The following PARP4 variants were observed in gnomAD, a reference collection of about 807,000 sequenced individuals.
PARP4 encodes the protein protein mono-ADP-ribosyltransferase PARP4.
A neutral mutation model predicts 187.7 loss-of-function variants in PARP4; 120 were observed. The observed-to-expected ratio is 0.64, with a 90% CI of 0.55 to 0.74. PARP4 has a LOEUF of 0.74. Ranked by LOEUF, PARP4 falls within the 30% of genes least tolerant of loss-of-function variation. The probability of loss-of-function intolerance (pLI) is 0.00; values close to 1 mark genes in which losing one functional copy is unlikely to be tolerated. For missense variants in PARP4, 1,836 were observed against 2,070.5 expected, an observed-to-expected ratio of 0.89 and a Z score of 2.20; for synonymous variants, 654 against 740.9, an observed-to-expected ratio of 0.88 and a Z score of 1.90.
intron 2 of PARP4, among the ~76,000 whole-genome samples, chr13:24,502,474 G>A (rs772291269): frequency 4.6e-5 from 7 of 152,182 alleles, no homozygotes; most frequent in Non-Finnish European, 1.0e-4. Context: ...CTTGCTCCTC[G>A]CGAATCCTGC....
chr13:24,434,666 C>T lies in PARP4; in HGVS notation c.4475G>A (p.Arg1492Gln), dbSNP rs144187235. 58 of 1,613,948 alleles carry T rather than the reference C, an allele frequency of 3.6e-5. No individual in the cohort carries two copies. Among genetic ancestry groups the T allele is most frequent in the South Asian group, 1.8e-4 (16 of 91,028 alleles). The change falls in exon 31 of 34, where the codon CGG (arginine) becomes CAG (glutamine). Residue 1492 changes from arginine to glutamine, a missense_variant. By Grantham distance (43) the Arg-to-Gln change is conservative. This residue lies in a region of PARP4 where 450 missense variants were observed against 439.2 expected (regional missense o/e 1.02). Coordinates refer to ENST00000381989, the MANE Select transcript of PARP4 (RefSeq NM_006437.4). ...ALPEALCSQS[R>Q]TTPVDLCLLE... ...AAGACAGAGATCTACTGGGGTAGTC[C>T]GGGACTGACTGCAAAGAGCCTCAGG...
chr13:24,500,757 A>G (rs570737272), intron 3 of PARP4, among the ~76,000 whole-genome samples: 1 of 152,330 alleles, frequency 6.6e-6, no homozygotes, highest in African/African-American at 2.4e-5. Flanking sequence ...TAGAGGAGGG[A>G]AAGTCAAGGG....
At chr13:24,492,227 C>A (rs1868693398) in intron 9 of PARP4, among the ~76,000 whole-genome samples, 194 bp downstream of exon 9, 1 of 152,208 alleles carries the variant, frequency 6.6e-6, no homozygotes, top group Non-Finnish European at 1.5e-5. Flanking sequence ...ACTGTGCCAA[C>A]ATATTCACAT....
intron 24 of PARP4, 124 bp downstream of exon 24, chr13:24,452,282 T>C: frequency 4.1e-6 from 3 of 737,166 alleles, no homozygotes; most frequent in Non-Finnish European, 6.6e-6. Flanking sequence ...CGGAGCCCCA[T>C]CCCTCTATGC....
intron 24 of PARP4, among the ~76,000 whole-genome samples, chr13:24,451,658 C>T (rs931115070): frequency 1.3e-5 from 2 of 149,180 alleles, no homozygotes; most frequent in African/African-American, 5.0e-5. Context: ...AGCTGGTGAC[C>T]ACTTGCTGAG....
chr13:24,460,176 C>T (rs1330402506), intron 17 of PARP4, 40 bp from the exon 18 acceptor site: 5 of 1,570,474 alleles, frequency 3.2e-6, no homozygotes, highest in Non-Finnish European at 4.4e-6. Context: ...AACTTGAAAG[C>T]ATACCCATTA....
chr13:24,438,789 G>A (rs147423367), intron 30 of PARP4, among the ~76,000 whole-genome samples: 5 of 152,304 alleles, frequency 3.3e-5, no homozygotes, highest in African/African-American at 1.2e-4. Context: ...ATAAGGAAAT[G>A]CCCCAAGCTT....
chr13:24,503,533 T>C (rs182722460), intron 2 of PARP4, 112 bp downstream of exon 2: 2 of 1,270,140 alleles, frequency 1.6e-6, no homozygotes, highest in African/African-American at 2.9e-5. Flanking sequence ...GAACTTCGAG[T>C]AGCTCACTCA....
At chr13:24,430,645 T>A (rs3845193) in intron 32 of PARP4, among the ~76,000 whole-genome samples, 1 of 151,544 alleles carries the variant, frequency 6.6e-6, no homozygotes, top group African/African-American at 2.4e-5. Context: ...GGGAGCCAGA[T>A]CTTGTCTCAA....
chr13:24,490,612 G>C (rs1245718482), intron 10 of PARP4, 56 bp downstream of exon 10: 3 of 1,318,212 alleles, frequency 2.3e-6, no homozygotes, highest in Admixed American at 1.8e-5. Context: ...CTCTTTAACG[G>C]AGTCTCAAAG....
chr13:24,476,266 C>T (rs1872980864), intron 14 of PARP4, among the ~76,000 whole-genome samples: 2 of 151,934 alleles, frequency 1.3e-5, no homozygotes, highest in African/African-American at 4.8e-5. Flanking sequence ...GACATGTGCT[C>T]TTCTGCCTTT....
intron 25 of PARP4, among the ~76,000 whole-genome samples, chr13:24,448,474 G>A (rs904200987): frequency 6.8e-6 from 1 of 147,564 alleles, no homozygotes; most frequent in African/African-American, 2.5e-5. Context: ...AAAGAATGAT[G>A]AGTGTTGGTG....
chr13:24,437,698 T>A (rs778012049), intron 30 of PARP4, among the ~76,000 whole-genome samples: 2 of 152,062 alleles, frequency 1.3e-5, no homozygotes, highest in Non-Finnish European at 2.9e-5. Flanking sequence ...AAAAAATTGA[T>A]TAAGTCAGGT....
chr13:24,477,737 A>G lies in PARP4; in HGVS notation c.1753T>C (p.Tyr585His). The change falls in exon 14 of 34, where the codon TAC becomes CAC. Residue 585 changes from tyrosine to histidine, a missense_variant. Physicochemically the swap from Tyr to His is moderately conservative, Grantham distance 83. Around this residue, in one of 8 missense-constraint regions of PARP4, gnomAD observed 1,147 missense variants for 1,214.2 expected, o/e 0.94. Transcript: ENST00000381989. ...GAAAAATTTGAAAACTCAGGTCTGT[A>G]TTCCTCTAATTCAGTATGATCACTA... ...HPSDHTELEE[Y>H]RPEFSNFSKV... 6.3e-7 allele frequency: 1 copy of G among 1,589,920 alleles called. No homozygotes were observed. Among genetic ancestry groups the G allele is most frequent in the Non-Finnish European group, 8.6e-7 (1 of 1,167,300 alleles).
intron 11 of PARP4, among the ~76,000 whole-genome samples, chr13:24,485,838 A>G (rs1446698795): frequency 1.3e-5 from 2 of 152,190 alleles, no homozygotes; most frequent in African/African-American, 4.8e-5. Flanking sequence ...CTACACTTTA[A>G]AAATAATAAA....
intron 6 of PARP4, among the ~76,000 whole-genome samples, chr13:24,496,559 CTT>C (rs1409453393): frequency 6.6e-6 from 1 of 152,164 alleles, no homozygotes; most frequent in African/African-American, 2.4e-5. Flanking sequence ...GCTATGGGCT[CTT>C]GTGGGGTAGG....
intron 17 of PARP4, among the ~76,000 whole-genome samples, chr13:24,466,909 A>C (rs1291899911): frequency 6.6e-6 from 1 of 152,198 alleles, no homozygotes; most frequent in African/African-American, 2.4e-5. Context: ...AACAAAGAAC[A>C]AATGGTACAA....
chr13:24,479,969 C>T (rs1168657883), intron 12 of PARP4, among the ~76,000 whole-genome samples: 1 of 151,984 alleles, frequency 6.6e-6, no homozygotes, highest in Non-Finnish European at 1.5e-5. Flanking sequence ...GATGCGCCGC[C>T]TTAAGAGCTG....
rs140804702 is a variant in PARP4 at position 24,468,400 on chromosome 13, C to CTT, written c.2133+622_2133+623dup. Among the ~76,000 whole-genome samples, 142 of 121,234 alleles carry CTT rather than the reference C, an allele frequency of 1.2e-3. 1 individual carries two copies. Among genetic ancestry groups the CTT allele is most frequent in the African/African-American group, 4.1e-3 (131 of 32,240 alleles). 79.5% of individuals were successfully genotyped at this position (121,234 alleles called of 152,430 possible). A position where few individuals can be genotyped will look rare whatever the true frequency, so the allele number is the denominator to read the frequency against. On this transcript the variant is annotated intron_variant, in intron 17 of 33. Transcript: ENST00000381989. Reference sequence around the variant, plus strand: ...GGAAAATTGTAAATATATCACACTCCTTTTTTTTTTTTTTTTTTTTTGAGA... The same window carrying CTT: ...GGAAAATTGTAAATATATCACACTCCTTTTTTTTTTTTTTTTTTTTTTTGAGA...
Sources: allele counts gnomAD v4.1 joint callset (sites outside exome capture counted in the v4.1 genomes callset), GRCh38; gene constraint gnomAD v4.1.1; regional missense constraint gnomAD v4.1.1; transcripts MANE v1.5; gene names NCBI Gene and HGNC (gene_info 2026-07-23, HGNC 2026-07-21).